SNX27: variants seen among roughly 807,000 people sequenced by gnomAD.
SNX27 encodes sorting nexin-27.
A neutral mutation model predicts 71.6 loss-of-function variants in SNX27; 22 were observed. The observed-to-expected ratio is 0.31, with a 90% CI of 0.22 to 0.44. The LOEUF (loss-of-function observed/expected upper bound fraction) is 0.44, where lower values mean the gene tolerates loss of function less well. Ranked by LOEUF, SNX27 falls within the 20% of genes least tolerant of loss-of-function variation. The probability of loss-of-function intolerance (pLI) is 1.00; values close to 1 mark genes in which losing one functional copy is unlikely to be tolerated. For missense variants in SNX27, 531 were observed against 698.6 expected (o/e 0.76, Z 2.70); for synonymous variants, 269 against 277.2 (o/e 0.97, Z 0.29).
At chr1:151,619,692 C>G (rs1285409152) in intron 1 of SNX27, among the ~76,000 whole-genome samples, 1 of 152,140 alleles carries the variant, frequency 6.6e-6, no homozygotes. Flanking sequence ...AATTTCACAA[C>G]TCATTAGGTT....
intron 1 of SNX27, among the ~76,000 whole-genome samples, chr1:151,632,000 A>T (rs1158369796): frequency 6.6e-6 from 1 of 152,180 alleles, no homozygotes; most frequent in Non-Finnish European, 1.5e-5. Context: ...AGTGAAATCT[A>T]GGCCTCCTAA....
At chr1:151,664,923 A>C (rs1670121014) in intron 5 of SNX27, among the ~76,000 whole-genome samples, 1 of 152,146 alleles carries the variant, frequency 6.6e-6, no homozygotes, top group Non-Finnish European at 1.5e-5. Context: ...CTAAACCTTG[A>C]AAGCATTTTA....
chr1:151,689,125 C>G (rs991460392), intron 8 of SNX27, among the ~76,000 whole-genome samples: 1 of 152,128 alleles, frequency 6.6e-6, no homozygotes, highest in Non-Finnish European at 1.5e-5. Context: ...ACGGACAGGG[C>G]ATGTATTATG....
intron 7 of SNX27, among the ~76,000 whole-genome samples, chr1:151,680,850 G>A (rs1215990421): frequency 6.6e-6 from 1 of 152,064 alleles, no homozygotes; most frequent in East Asian, 1.9e-4. Flanking sequence ...CAGTGTTTTG[G>A]TGATGAAGAG....
intron 11 of SNX27, chr1:151,693,803 G>C: frequency 6.9e-7 from 1 of 1,449,164 alleles, no homozygotes; most frequent in East Asian, 2.5e-5. Flanking sequence ...TGTTGTTCCT[G>C]ACCCACAGGG....
chr1:151,635,494 T>C (rs1354338949), intron 1 of SNX27, among the ~76,000 whole-genome samples: 5 of 152,236 alleles, frequency 3.3e-5, no homozygotes, highest in African/African-American at 1.2e-4. Context: ...TTCAGAATTA[T>C]ACAAAGTATT....
At chr1:151,636,465 T>C (rs1668459503) in intron 1 of SNX27, among the ~76,000 whole-genome samples, 1 of 152,030 alleles carries the variant, frequency 6.6e-6, no homozygotes, top group South Asian at 2.1e-4. Context: ...CAGGCCTGGC[T>C]AATCTTTTGG....
chr1:151,653,698 T>C (rs1394661997), intron 2 of SNX27, among the ~76,000 whole-genome samples: 2 of 152,064 alleles, frequency 1.3e-5, no homozygotes, highest in Non-Finnish European at 2.9e-5. Flanking sequence ...TTTTTTTACT[T>C]TTTGTAGAGA....
chr1:151,624,923 T>C (rs1667849727), intron 1 of SNX27, among the ~76,000 whole-genome samples: 1 of 152,178 alleles, frequency 6.6e-6, no homozygotes, highest in South Asian at 2.1e-4. Context: ...TAATAAACTC[T>C]TGTTACTTCT....
intron 2 of SNX27, among the ~76,000 whole-genome samples, chr1:151,642,954 G>GTTTTA (rs532547285): frequency 0.06 from 8,947 of 149,432 alleles, 312 homozygotes; most frequent in Non-Finnish European, 0.076. Context: ...TTTTATTTTT[G>GTTTTA]TTTTATTTTA....
chr1:151,629,851 T>C (rs1181493764), intron 1 of SNX27, among the ~76,000 whole-genome samples: 1 of 151,938 alleles, frequency 6.6e-6, no homozygotes, highest in African/African-American at 2.4e-5. Context: ...AGTGCTGGGA[T>C]TACAGGCGTG....
At chr1:151,614,867 A>G (rs1043462814) in intron 1 of SNX27, among the ~76,000 whole-genome samples, 1 of 152,250 alleles carries the variant, frequency 6.6e-6, no homozygotes, top group Admixed American at 6.5e-5. Flanking sequence ...GTAGGAGACT[A>G]TAGTTAATAT....
rs1475199634 is a variant in SNX27 at position 151,696,839 on chromosome 1, G to A, written c.*2422G>A. ...TAATTTTTTGTATTTTTGGTAGGGC[G>A]GGGTTTCACCATGATGGCCAGGTTG... On this transcript the variant is annotated 3_prime_UTR_variant, in exon 12 of 12. Coordinates refer to ENST00000458013, the MANE Select transcript of SNX27 (RefSeq NM_001330723.2). 1 of 151,686 alleles carries A rather than the reference G, an allele frequency of 6.6e-6. No individual in the cohort carries two copies. The highest frequency in any genetic ancestry group is 1.5e-5 in the Non-Finnish European group (1 of 67,978). 9.4% of individuals were successfully genotyped at this position (151,686 alleles called of 1,614,324 possible). A position where few individuals can be genotyped will look rare whatever the true frequency, so the allele number is the denominator to read the frequency against.
chr1:151,620,779 T>A (rs1667636122), intron 1 of SNX27, among the ~76,000 whole-genome samples: 1 of 150,854 alleles, frequency 6.6e-6, no homozygotes, highest in Non-Finnish European at 1.5e-5. Context: ...AACCTCAGCC[T>A]CCCAGGTTCA....
At chr1:151,651,119 C>T (rs1669321747) in intron 2 of SNX27, among the ~76,000 whole-genome samples, 1 of 152,038 alleles carries the variant, frequency 6.6e-6, no homozygotes, top group Non-Finnish European at 1.5e-5. Context: ...CTGTTGGGCA[C>T]ACCTCCCAGA....
intron 3 of SNX27, 51 bp downstream of exon 3, chr1:151,658,478 T>C (rs1669800552): frequency 1.3e-6 from 2 of 1,536,502 alleles, no homozygotes; most frequent in African/African-American, 1.4e-5. Flanking sequence ...AGGTTCTAGA[T>C]ATGCAACTTC....
At position 151,612,144 on chromosome 1, in the gene SNX27, A is replaced by G; in HGVS notation, c.-58A>G. 7.8e-7 allele frequency: 1 copy of G among 1,279,710 alleles called. No homozygotes were observed. Among genetic ancestry groups the G allele is most frequent in the African/African-American group, 1.5e-5 (1 of 64,648 alleles). The allele number at this position is 1,279,710 out of a possible 1,614,324, so 79.3% of individuals were successfully genotyped here. ...CGTCCGGCTGCCAGGCAGGGCGAGC[A>G]CGCGCCGGGAGGCCTTGGAGGCGTA... On this transcript the variant is annotated 5_prime_UTR_variant, in exon 1 of 12. Transcript: ENST00000458013. The surrounding 1 kb of genome is among the most constrained non-coding windows in gnomAD (Gnocchi z 5.2).
intron 1 of SNX27, chr1:151,614,346 A>G (rs980987891): frequency 6.6e-6 from 1 of 151,192 alleles, no homozygotes; most frequent in African/African-American, 2.4e-5. Flanking sequence ...TTTCCTTGAG[A>G]TGGAGTTTTG....
At chr1:151,692,701 G>T in intron 9 of SNX27, 117 bp downstream of exon 9, 3 of 1,469,244 alleles carry the variant, frequency 2.0e-6, no homozygotes, top group Non-Finnish European at 2.8e-6. Context: ...TATTTTGACT[G>T]GGGCAAATAA....
Sources: allele counts gnomAD v4.1 joint callset (sites outside exome capture counted in the v4.1 genomes callset), GRCh38; gene constraint gnomAD v4.1.1; non-coding constraint Gnocchi (gnomAD v3.1); transcripts MANE v1.5; gene names NCBI Gene and HGNC (gene_info 2026-07-23, HGNC 2026-07-21).